The following PARP8 variants were observed in gnomAD, a reference collection of about 807,000 sequenced individuals.
The protein encoded by PARP8 is protein mono-ADP-ribosyltransferase PARP8.
Under a neutral mutation model 124.1 loss-of-function variants are expected in PARP8, and 51 were observed. That is an observed-to-expected ratio of 0.41 (90% CI 0.33 to 0.52). PARP8 has a LOEUF of 0.52. PARP8 is among the 20% of genes least tolerant of loss of function. The pLI is 0.21. For missense variants in PARP8, 860 were observed against 1,018.9 expected (o/e 0.84, Z 2.12); for synonymous variants, 391 against 361.5 (o/e 1.08, Z -0.93).
At chr5:50,756,153 G>C (rs1452917630) in intron 3 of PARP8, among the ~76,000 whole-genome samples, 5 of 151,950 alleles carry the variant, frequency 3.3e-5, no homozygotes, top group Non-Finnish European at 7.4e-5. Flanking sequence ...TTCCTCTTTT[G>C]CTAATTGAAT....
At chr5:50,816,417 A>G (rs1480976631) in intron 15 of PARP8, among the ~76,000 whole-genome samples, 3 of 152,216 alleles carry the variant, frequency 2.0e-5, no homozygotes, top group African/African-American at 7.2e-5. Flanking sequence ...ATAGGACAGT[A>G]AAATTTAACA....
In PARP8 at chr5:50,833,714, G is replaced by A. The variant is rs115670339; in HGVS notation, c.2308-265G>A. On this transcript the variant is annotated intron_variant, in intron 23 of 25. Transcript: ENST00000281631. ...AAGCTTTTAGTAAAAATAAATTTGAGTTCTAATTCTGTGTTGTAAGATTAT... is the reference window on the plus strand; with the variant it reads ...AAGCTTTTAGTAAAAATAAATTTGAATTCTAATTCTGTGTTGTAAGATTAT... Among the ~76,000 whole-genome samples, 297 of 152,240 alleles carry A rather than the reference G, an allele frequency of 2.0e-3. 3 individuals carry two copies. Among genetic ancestry groups the A allele is most frequent in the African/African-American group, 6.8e-3 (281 of 41,556 alleles).
At chr5:50,767,586 A>G (rs775728659) in intron 7 of PARP8, among the ~76,000 whole-genome samples, 2 of 152,240 alleles carry the variant, frequency 1.3e-5, no homozygotes, top group African/African-American at 2.4e-5. Context: ...GCAGTTGTTT[A>G]TACTGTACCT....
At chr5:50,747,150 G>GTTTTTTTTTTTTTT (rs1561320439) in intron 2 of PARP8, among the ~76,000 whole-genome samples, 4 of 38,496 alleles carry the variant, frequency 1.0e-4, no homozygotes, top group African/African-American at 2.8e-4. Flanking sequence ...GGTTTTTTTT[G>GTTTTTTTTTTTTTT]TTTGTTTGTT....
At chr5:50,719,527 TTTATTTTTCTGCATATAGATA>T (rs770613872) in intron 2 of PARP8, among the ~76,000 whole-genome samples, 14 of 152,080 alleles carry the variant, frequency 9.2e-5, no homozygotes, top group Non-Finnish European at 2.1e-4. Context: ...GGGATCTAGT[TTTATTTTTCTGCATATAGATA>T]TCCAGTTTTC....
intron 7 of PARP8, among the ~76,000 whole-genome samples, chr5:50,777,223 G>A (rs943445802): frequency 6.6e-6 from 1 of 152,162 alleles, no homozygotes; most frequent in East Asian, 1.9e-4. Flanking sequence ...TAGGTGTTTT[G>A]TGAGTACTGT....
intron 2 of PARP8, among the ~76,000 whole-genome samples, chr5:50,720,265 C>A (rs185871368): frequency 2.1e-4 from 32 of 152,108 alleles, no homozygotes; most frequent in African/African-American, 6.7e-4. Context: ...CGTTTTGGGC[C>A]CCTCTTAACT....
chr5:50,831,715 A>G (rs1747005699), intron 22 of PARP8, among the ~76,000 whole-genome samples: 2 of 152,210 alleles, frequency 1.3e-5, no homozygotes, highest in African/African-American at 4.8e-5. Context: ...ACTGGTATAT[A>G]GACTCCTTCA....
intron 2 of PARP8, among the ~76,000 whole-genome samples, chr5:50,710,198 G>A (rs944247896): frequency 1.3e-5 from 2 of 151,488 alleles, no homozygotes; most frequent in Non-Finnish European, 2.9e-5. Context: ...TTATTTAAAG[G>A]TGTTGAAACA....
At chr5:50,753,942 G>T (rs1367704829) in intron 3 of PARP8, among the ~76,000 whole-genome samples, 1 of 150,326 alleles carries the variant, frequency 6.7e-6, no homozygotes, top group Non-Finnish European at 1.5e-5. Context: ...CATAGTGTTA[G>T]AGAAGTGAAG....
At chr5:50,671,003 G>A (rs1362383966) in intron 2 of PARP8, among the ~76,000 whole-genome samples, 1 of 152,142 alleles carries the variant, frequency 6.6e-6, no homozygotes, top group Non-Finnish European at 1.5e-5. Flanking sequence ...CAGACTCCTT[G>A]GAATAGCTCC....
intron 19 of PARP8, 48 bp from the exon 20 acceptor site, chr5:50,827,896 A>G: frequency 7.5e-7 from 1 of 1,324,774 alleles, no homozygotes; most frequent in Non-Finnish European, 1.1e-6. Flanking sequence ...CAGCCTGAAT[A>G]TATGTTAAGT....
At chr5:50,815,393 G>T in intron 14 of PARP8, 39 bp from the exon 15 acceptor site, 1 of 1,438,162 alleles carries the variant, frequency 7.0e-7, no homozygotes, top group East Asian at 2.5e-5. Context: ...ATTGAGAGTT[G>T]GAAAAAAGTT....
In PARP8 at chr5:50,791,287, TA is replaced by T. The variant is rs891028084; in HGVS notation, c.737+2700del. On this transcript the variant is annotated intron_variant, in intron 10 of 25. Coordinates refer to ENST00000281631, the MANE Select transcript of PARP8 (RefSeq NM_024615.4). ...AGTGTTTAACATATAATAAGACATT[TA>T]ATCTTTACAACAACTCTATGAAACA... is the stretch of plus-strand genomic sequence containing the variant. Among the ~76,000 whole-genome samples, 81 of 152,324 alleles carry T rather than the reference TA, an allele frequency of 5.3e-4. 1 individual carries two copies. The highest frequency in any genetic ancestry group is 5.2e-3 in the Admixed American group (80 of 15,288).
chr5:50,701,880 T>C (rs955288428), intron 2 of PARP8, among the ~76,000 whole-genome samples: 8 of 152,180 alleles, frequency 5.3e-5, no homozygotes, highest in African/African-American at 1.9e-4. Flanking sequence ...TCCTTTTGTA[T>C]CATAATTTTG....
chr5:50,784,052 A>G (rs550831343), intron 9 of PARP8, among the ~76,000 whole-genome samples: 4 of 152,220 alleles, frequency 2.6e-5, no homozygotes, highest in Non-Finnish European at 5.9e-5. Flanking sequence ...AAAATCGGTG[A>G]TTTAAAAAGA....
chr5:50,796,845 GTCA>G (rs1742610437), intron 12 of PARP8, 134 bp from the exon 13 acceptor site: 1 of 718,258 alleles, frequency 1.4e-6, no homozygotes, highest in Admixed American at 3.4e-5. Context: ...TAATTTTGAT[GTCA>G]TCAGTGACTC....
Position 50,795,108 on chromosome 5 carries a change from A to G in PARP8, c.1119A>G (p.Ser373=), listed in dbSNP as rs1742384648. 7.4e-6 allele frequency: 12 copies of G among 1,614,110 alleles called. No individual in the cohort carries two copies. In the South Asian group the frequency reaches 1.3e-4, roughly 18 times the overall value. Residue 373 remains serine (S), a synonymous_variant, in exon 12 of 26, where the codon TCA becomes TCG. Transcript: ENST00000281631. ...LNRPCPAAVK[S]EECLTLKSHR... Reference sequence around the variant, plus strand: ...GTCCTTGCCCTGCAGCTGTTAAGTCAGAGGAATGCCTAACTCTAAAGTCGC... The same window carrying G: ...GTCCTTGCCCTGCAGCTGTTAAGTCGGAGGAATGCCTAACTCTAAAGTCGC...
At chr5:50,672,439 G>T (rs1226364663) in intron 2 of PARP8, among the ~76,000 whole-genome samples, 1 of 152,208 alleles carries the variant, frequency 6.6e-6, no homozygotes, top group East Asian at 1.9e-4. Flanking sequence ...ATGACCAGAT[G>T]TGGAGAAGAT....
Sources: allele counts gnomAD v4.1 joint callset (sites outside exome capture counted in the v4.1 genomes callset), GRCh38; gene constraint gnomAD v4.1.1; transcripts MANE v1.5; gene names NCBI Gene and HGNC (gene_info 2026-07-23, HGNC 2026-07-21).